LARP4B: variants seen among roughly 807,000 people sequenced by gnomAD.
LARP4B encodes La ribonucleoprotein 4B.
Under a neutral mutation model 89.8 loss-of-function variants are expected in LARP4B, and 12 were observed. The observed-to-expected ratio is 0.13, with a 90% CI of 0.09 to 0.22. The LOEUF (loss-of-function observed/expected upper bound fraction) is 0.22, where lower values mean the gene tolerates loss of function less well. Ranked by LOEUF, LARP4B falls within the 10% of genes least tolerant of loss-of-function variation. LARP4B has a pLI of 1.00. For synonymous variants in LARP4B, 367 were observed against 363.3 expected, an observed-to-expected ratio of 1.01 and a Z score of -0.12; for missense variants, 757 against 947.7, an observed-to-expected ratio of 0.80 and a Z score of 2.64.
chr10:888,230 G>C (rs528021082), intron 1 of LARP4B, among the ~76,000 whole-genome samples: 1 of 152,044 alleles, frequency 6.6e-6, no homozygotes, highest in African/African-American at 2.4e-5. Context: ...TGAGACACTA[G>C]AATTGTTTGA....
chr10:930,090 T>C (rs1484459673), intron 1 of LARP4B, among the ~76,000 whole-genome samples: 1 of 151,976 alleles, frequency 6.6e-6, no homozygotes, highest in African/African-American at 2.4e-5. Context: ...GTATGGAAAT[T>C]GCACACTGCA....
At chr10:880,323 G>A (rs771543050) in intron 3 of LARP4B, among the ~76,000 whole-genome samples, 4 of 152,038 alleles carry the variant, frequency 2.6e-5, no homozygotes, top group African/African-American at 4.8e-5. Context: ...AGGCAAAGGT[G>A]GTTTTTTGAA....
At chr10:945,430 T>C in the LARP4B span, among the ~76,000 whole-genome samples, 1 of 150,400 alleles carries the variant, frequency 6.6e-6, no homozygotes, top group South Asian at 2.1e-4. Flanking sequence ...CTCACACCTG[T>C]AATCCCAGCA....
intron 1 of LARP4B, among the ~76,000 whole-genome samples, chr10:911,662 G>A (rs1836668315): frequency 6.6e-6 from 1 of 152,192 alleles, no homozygotes; most frequent in Non-Finnish European, 1.5e-5. Flanking sequence ...CGGAACACAG[G>A]AAGAGGCAAC....
At position 817,784 on chromosome 10, in the gene LARP4B, T is replaced by C. The variant is rs1475333083; in HGVS notation, c.1636A>G (p.Thr546Ala). The change falls in exon 15 of 18, where the codon ACA (threonine) becomes GCA (alanine). Residue 546 changes from threonine to alanine, a missense_variant. Physicochemically the swap from Thr to Ala is moderately conservative, Grantham distance 58 (BLOSUM62 0). Coordinates refer to ENST00000316157, the MANE Select transcript of LARP4B (RefSeq NM_015155.3). ...PLPGAAGNLK[T>A]EDLFENRLSS... ...AGCCTGTTTTCAAACAAGTCCTCTG[T>C]CTTCAAATTGCCGGCAGCTCCAGGT... 18 of 1,614,092 alleles carry C rather than the reference T, an allele frequency of 1.1e-5. No individual in the cohort carries two copies. The highest frequency in any genetic ancestry group is 1.5e-5 in the Non-Finnish European group (18 of 1,180,044).
At chr10:854,254 G>A (rs1834192999) in intron 5 of LARP4B, among the ~76,000 whole-genome samples, 1 of 152,102 alleles carries the variant, frequency 6.6e-6, no homozygotes, top group Non-Finnish European at 1.5e-5. Context: ...TGTCCTCCGT[G>A]AGGGCTGGAA....
chr10:825,654 A>C (rs1054774314), intron 12 of LARP4B, 110 bp downstream of exon 12: 12 of 704,360 alleles, frequency 1.7e-5, no homozygotes, highest in Non-Finnish European at 2.9e-5. Context: ...TGTGTGCTTC[A>C]GGTGGCTCTG....
chr10:887,476 C>T (rs1399479588), intron 1 of LARP4B, among the ~76,000 whole-genome samples: 6 of 151,148 alleles, frequency 4.0e-5, no homozygotes, highest in Non-Finnish European at 7.4e-5. Flanking sequence ...TTTGGGAGGC[C>T]GAGGCGGATG....
intron 6 of LARP4B, among the ~76,000 whole-genome samples, 195 bp from the exon 7 acceptor site, chr10:843,263 G>A (rs113846052): frequency 1.3e-5 from 2 of 152,282 alleles, no homozygotes; most frequent in African/African-American, 4.8e-5. Context: ...CCTTGGAGAG[G>A]CAGGGAGTGC....
At chr10:931,913 C>A (rs1165630260), upstream of LARP4B, among the ~76,000 whole-genome samples, 2 of 150,384 alleles carry the variant, frequency 1.3e-5, no homozygotes, top group Non-Finnish European at 3.0e-5. Context: ...ACCCTGCTCG[C>A]GGCCTTGCGA....
rs746186704 is a variant in LARP4B, at chr10:814,938, A to G, written c.1820+8T>C. Reference sequence around the variant, plus strand: ...ACACCAAGGCGCTGGAAGAACACCAATACTCACTCGGGTAAATGAGCTGGG... The same window carrying G: ...ACACCAAGGCGCTGGAAGAACACCAGTACTCACTCGGGTAAATGAGCTGGG... On this transcript the variant is annotated splice_region_variant and intron_variant, in intron 16 of 17. Transcript: ENST00000316157. The surrounding 1 kb of genome is among the most constrained non-coding windows in gnomAD (Gnocchi z 4.4). 1.8e-5 allele frequency: 29 copies of G among 1,587,292 alleles called. No homozygotes were observed. Among genetic ancestry groups the G allele is most frequent in the Middle Eastern group, 1.7e-4 (1 of 5,924 alleles).
chr10:837,608 A>C (rs1277616200), intron 7 of LARP4B, among the ~76,000 whole-genome samples: 1 of 152,240 alleles, frequency 6.6e-6, no homozygotes, highest in African/African-American at 2.4e-5. Flanking sequence ...TCAGACAAGT[A>C]ATCAAGGGAA....
chr10:905,676 GCAAGGGAGGAGCTGAGGA>G (rs1836470628), intron 1 of LARP4B, among the ~76,000 whole-genome samples: 1 of 22,100 alleles, frequency 4.5e-5, no homozygotes, highest in Middle Eastern at 0.014. Flanking sequence ...GAGCTGAGGA[GCAAGGGAGGAGCTGAGGA>G]GCAAGGGAGG....
At chr10:921,136 G>T (rs1836965416) in intron 1 of LARP4B, among the ~76,000 whole-genome samples, 1 of 152,026 alleles carries the variant, frequency 6.6e-6, no homozygotes. Flanking sequence ...AGCCAGGCGT[G>T]GTGGTGCATG....
chr10:838,574 C>T (rs1238165130), intron 7 of LARP4B, among the ~76,000 whole-genome samples: 2 of 152,094 alleles, frequency 1.3e-5, no homozygotes, highest in South Asian at 2.1e-4. Flanking sequence ...TCACTGCATA[C>T]CTGTCAGCAC....
chr10:825,260 C>A lies in LARP4B; in HGVS notation c.1289G>T (p.Gly430Val), dbSNP rs779321717. Residue 430 changes from glycine (G) to valine (V), a missense_variant, in exon 13 of 18, where the codon GGG becomes GTG. Coordinates refer to ENST00000316157, the MANE Select transcript of LARP4B (RefSeq NM_015155.3). ...HAIPSAERGP[G>V]LLESPSIFNF... Reference sequence around the variant, plus strand: ...AAATATTGAAGGACTTTCTAATAACCCAGGTCCCCTCTCTGCACTAGGAAT... The same window carrying A: ...AAATATTGAAGGACTTTCTAATAACACAGGTCCCCTCTCTGCACTAGGAAT... 6.2e-7 allele frequency: 1 copy of A among 1,614,154 alleles called. No homozygotes were observed. Among genetic ancestry groups the A allele is most frequent in the African/African-American group, 1.3e-5 (1 of 75,056 alleles).
At chr10:961,383 C>G in the LARP4B span, among the ~76,000 whole-genome samples, 3 of 152,154 alleles carry the variant, frequency 2.0e-5, no homozygotes, top group East Asian at 5.8e-4. Context: ...AAGGTCCACT[C>G]ATGGCGGCGT....
Position 812,802 on chromosome 10 carries a change from T to G in LARP4B, c.*124A>C, listed in dbSNP as rs1310914762. The G allele has an allele frequency of 2.4e-6, 2 of 848,310 alleles. No individual in the cohort carries two copies. The highest frequency in any genetic ancestry group is 9.0e-5 in the South Asian group (2 of 22,288). 52.5% of individuals were successfully genotyped at this position (848,310 alleles called of 1,614,324 possible). On this transcript the variant is annotated 3_prime_UTR_variant, in exon 18 of 18. Transcript: ENST00000316157. The stretch of plus-strand genomic sequence containing the variant: ...TCCAACTCACAGAAGAAAACCAACT[T>G]GAGGATCCCACAGGCCTCAGACACT...
At chr10:831,106 A>T in intron 8 of LARP4B, 129 bp from the exon 9 acceptor site, 1 of 470,378 alleles carries the variant, frequency 2.1e-6, no homozygotes. Context: ...ATGCCTAGTA[A>T]ATCTCTCTTC....
Sources: gnomAD v4.1 joint callset for allele counts (sites outside exome capture counted in the v4.1 genomes callset) on GRCh38, gnomAD v4.1.1 for gene constraint, Gnocchi (gnomAD v3.1) non-coding constraint, MANE v1.5 for transcripts, NCBI Gene and HGNC (gene_info 2026-07-23, HGNC 2026-07-21) for gene names.